Variants in FNDC3B observed in about 807,000 individuals in gnomAD.
The protein encoded by FNDC3B is fibronectin type III domain-containing protein 3B.
In FNDC3B, 12 loss-of-function variants were observed where a neutral mutation model predicts 151.5. That is an observed-to-expected ratio of 0.08 (90% confidence interval 0.05 to 0.13). The LOEUF (loss-of-function observed/expected upper bound fraction) is 0.13, where lower values mean the gene tolerates loss of function less well. Ranked by LOEUF, FNDC3B falls within the 10% of genes least tolerant of loss-of-function variation. FNDC3B has a pLI of 1.00. For missense variants in FNDC3B, 1,214 were observed against 1,505.3 expected, an observed-to-expected ratio of 0.81 and a Z score of 3.20; for synonymous variants, 528 against 549.0, an observed-to-expected ratio of 0.96 and a Z score of 0.54.
chr3:172,378,680 AG>A (rs1478473463), intron 24 of FNDC3B, among the ~76,000 whole-genome samples: 2 of 151,980 alleles, frequency 1.3e-5, no homozygotes, highest in East Asian at 1.9e-4. Context: ...GTTAGAAATA[AG>A]GGTTAAATTC....
chr3:172,317,550 A>G (rs943725105), intron 11 of FNDC3B, among the ~76,000 whole-genome samples: 1 of 152,182 alleles, frequency 6.6e-6, no homozygotes, highest in Non-Finnish European at 1.5e-5. Context: ...CTAGTTACTC[A>G]TGGTATACCC....
At chr3:172,260,813 T>C (rs529990785) in intron 6 of FNDC3B, among the ~76,000 whole-genome samples, 12 of 152,272 alleles carry the variant, frequency 7.9e-5, no homozygotes, top group African/African-American at 2.9e-4. Context: ...TCCGTGCTTT[T>C]TCCCTGTCAC....
At chr3:172,286,445 C>T (rs903324155) in intron 7 of FNDC3B, among the ~76,000 whole-genome samples, 4 of 151,984 alleles carry the variant, frequency 2.6e-5, no homozygotes, top group African/African-American at 9.7e-5. Flanking sequence ...AAAAAATGGT[C>T]GAAGTGGTGA....
Position 172,149,943 on chromosome 3 carries a change from C to T in FNDC3B, c.187+16397C>T, listed in dbSNP as rs1451616254. On this transcript the variant is annotated intron_variant, in intron 3 of 25. Coordinates refer to ENST00000415807, the MANE Select transcript of FNDC3B (RefSeq NM_022763.4). ...AAGCGATTCTCGAGCCTCAGCCTCT[C>T]GAGTAGCTGGGACTTCAGGTGCCCG... is the stretch of plus-strand genomic sequence containing the variant. 2.0e-5 allele frequency among the ~76,000 whole-genome samples: 3 copies of T among 150,008 alleles called. 1 individual carries two copies. The highest frequency in any genetic ancestry group is 4.9e-5 in the African/African-American group (2 of 40,894).
intron 2 of FNDC3B, among the ~76,000 whole-genome samples, chr3:172,118,412 G>C (rs928394382): frequency 6.6e-6 from 1 of 152,198 alleles, no homozygotes; most frequent in African/African-American, 2.4e-5. Context: ...TTACATAACA[G>C]AGTTTGTCTA....
At chr3:172,343,975 C>G (rs1271882626) in intron 18 of FNDC3B, 111 bp from the exon 19 acceptor site, 1 of 923,268 alleles carries the variant, frequency 1.1e-6, no homozygotes, top group Non-Finnish European at 1.7e-6. Flanking sequence ...AAGGGAGATA[C>G]TGAGGCCGGC....
chr3:172,108,050 C>T (rs900446139), intron 1 of FNDC3B, among the ~76,000 whole-genome samples: 5 of 152,058 alleles, frequency 3.3e-5, no homozygotes, highest in African/African-American at 9.7e-5. Context: ...TGCCTGTAGT[C>T]CCAGCTACTC....
At chr3:172,310,753 T>G in intron 10 of FNDC3B, 75 bp from the exon 11 acceptor site, 1 of 1,047,040 alleles carries the variant, frequency 9.6e-7, no homozygotes, top group Admixed American at 1.7e-5. Flanking sequence ...AGACACTGTA[T>G]GTGAGCCAGG....
chr3:172,238,760 G>A (rs1011028430), intron 4 of FNDC3B, among the ~76,000 whole-genome samples: 3 of 152,102 alleles, frequency 2.0e-5, no homozygotes, highest in Non-Finnish European at 2.9e-5. Context: ...AGTGAGTACC[G>A]ATGCATTTGT....
chr3:172,096,483 T>C (rs1013929562), intron 1 of FNDC3B, among the ~76,000 whole-genome samples: 2 of 152,204 alleles, frequency 1.3e-5, no homozygotes, highest in African/African-American at 2.4e-5. Flanking sequence ...TGTTGTATCA[T>C]CTGTTTTTCT....
chr3:172,401,480 A>C lies in FNDC3B; in HGVS notation c.*4005A>C, dbSNP rs1342524840. On this transcript the variant is annotated 3_prime_UTR_variant, in exon 26 of 26. Transcript: ENST00000415807. ...TAATCCTTTATCAGAGTCTCTGTGGATAATGTACCTTGTTGCCTAATACTT... is the reference window on the plus strand; with the variant it reads ...TAATCCTTTATCAGAGTCTCTGTGGCTAATGTACCTTGTTGCCTAATACTT... The C allele has an allele frequency of 1.3e-5, 2 of 152,218 alleles. No homozygotes were observed. The highest frequency in any genetic ancestry group is 4.8e-5 in the African/African-American group (2 of 41,458). 9.4% of individuals were successfully genotyped at this position (152,218 alleles called of 1,614,324 possible). A position where few individuals can be genotyped will look rare whatever the true frequency, so the allele number is the denominator to read the frequency against.
intron 1 of FNDC3B, among the ~76,000 whole-genome samples, chr3:172,098,073 A>G (rs1298387959): frequency 6.6e-6 from 1 of 151,776 alleles, no homozygotes; most frequent in African/African-American, 2.4e-5. Flanking sequence ...CCCTTTGCCC[A>G]ATATTATTAA....
intron 3 of FNDC3B, among the ~76,000 whole-genome samples, chr3:172,187,934 A>C (rs751255659): frequency 2.6e-5 from 4 of 152,084 alleles, no homozygotes; most frequent in Non-Finnish European, 5.9e-5. Flanking sequence ...ATTATTAATT[A>C]TAATTCAACC....
intron 11 of FNDC3B, among the ~76,000 whole-genome samples, chr3:172,319,499 T>G (rs945828239): frequency 1.1e-4 from 16 of 152,224 alleles, no homozygotes; most frequent in African/African-American, 3.6e-4. Flanking sequence ...GAAAAGCTAG[T>G]GTGCTGAGGG....
intron 3 of FNDC3B, among the ~76,000 whole-genome samples, chr3:172,207,934 C>G (rs912822180): frequency 5.9e-5 from 9 of 151,914 alleles, no homozygotes; most frequent in African/African-American, 2.2e-4. Flanking sequence ...GCAACAAGAG[C>G]AAAACTCCAC....
chr3:172,303,561 G>A (rs1484354710), intron 9 of FNDC3B, among the ~76,000 whole-genome samples: 1 of 152,124 alleles, frequency 6.6e-6, no homozygotes, highest in African/African-American at 2.4e-5. Flanking sequence ...AAACAAATGT[G>A]AAAACAAGAT....
Position 172,401,001 on chromosome 3 carries a change from C to G in FNDC3B, c.*3526C>G, listed in dbSNP as rs1736548950. The G allele has an allele frequency of 6.6e-6, 1 of 150,560 alleles. No individual in the cohort carries two copies. The highest frequency in any genetic ancestry group is 1.5e-5 in the Non-Finnish European group (1 of 67,858). 9.3% of individuals were successfully genotyped at this position (150,560 alleles called of 1,614,324 possible). ...GCAGTGACCCAATCTCGGCTCACTG[C>G]AAGCTCCACCTCCCGGGTTCATGCC... On this transcript the variant is annotated 3_prime_UTR_variant, in exon 26 of 26. Transcript: ENST00000415807.
intron 1 of FNDC3B, among the ~76,000 whole-genome samples, chr3:172,045,911 C>T (rs1298711155): frequency 1.3e-5 from 2 of 152,012 alleles, no homozygotes; most frequent in Non-Finnish European, 2.9e-5. Flanking sequence ...TAGACAAGCA[C>T]AGGCCCAACT....
At chr3:172,368,465 T>C (rs950171608) in intron 23 of FNDC3B, among the ~76,000 whole-genome samples, 2 of 152,128 alleles carry the variant, frequency 1.3e-5, no homozygotes, top group Non-Finnish European at 2.9e-5. Context: ...TTCCAGTGCT[T>C]CTCTGACTAG....
Sources: allele counts gnomAD v4.1 joint callset (sites outside exome capture counted in the v4.1 genomes callset), GRCh38; gene constraint gnomAD v4.1.1; transcripts MANE v1.5; gene names NCBI Gene and HGNC (gene_info 2026-07-23, HGNC 2026-07-21).